MYH15: variants seen among roughly 807,000 people sequenced by gnomAD.
MYH15 encodes the protein myosin heavy chain 15, also known as myosin-15.
Under a neutral mutation model 240.5 loss-of-function variants are expected in MYH15, and 227 were observed. The ratio of observed to expected loss-of-function variants is 0.94; its 90% CI spans 0.85 to 1.05. The LOEUF (loss-of-function observed/expected upper bound fraction) is 1.05. Among genes scored for constraint, MYH15 ranks in the 50% least tolerant of loss-of-function variants. The pLI, the probability that MYH15 is intolerant of heterozygous loss-of-function variation, is 0.00. For synonymous variants in MYH15, 785 were observed against 796.7 expected, an observed-to-expected ratio of 0.99 and a Z score of 0.25; for missense variants, 2,217 against 2,247.5, an observed-to-expected ratio of 0.99 and a Z score of 0.27.
At chr3:108,550,654 T>C in the MYH15 span, 1 of 151,858 alleles carries the variant, frequency 6.6e-6, no homozygotes, top group Non-Finnish European at 1.5e-5. Flanking sequence ...ATATTTTCTT[T>C]TGTGCTTCTT....
Position 108,410,576 on chromosome 3 carries a change from G to C in MYH15, c.4495+7C>G, listed in dbSNP as rs764633444. The C allele has an allele frequency of 1.9e-6, 3 of 1,567,262 alleles. No homozygotes were observed. The African/African-American group carries it at 4.1e-5, about 21-fold the overall frequency. On this transcript the variant is annotated splice_region_variant and intron_variant, in intron 31 of 40. Transcript: ENST00000693548. ...CTGGCTTTGGCTCTGAGCCCAGCTC[G>C]GTGTACCTTGGAGGTTCTTGTTCTC...
chr3:108,516,680 A>G lies in MYH15; in HGVS notation c.-57-6093T>C, dbSNP rs1012053030. Among the ~76,000 whole-genome samples, 4 of 152,322 alleles carry G rather than the reference A, an allele frequency of 2.6e-5. No homozygotes were observed. The East Asian group carries it at 7.7e-4, about 29-fold the overall frequency. On this transcript the variant is annotated intron_variant, in intron 1 of 41. Transcript: ENST00000273353. ...TCTTAAGTGGTTAGTCTTTAGGCACACATCTACCACCCCTTAACCAGCTAC... is the reference window on the plus strand; with the variant it reads ...TCTTAAGTGGTTAGTCTTTAGGCACGCATCTACCACCCCTTAACCAGCTAC...
chr3:108,394,075 C>T lies in MYH15; in HGVS notation c.5215G>A (p.Glu1739Lys). 1 of 1,614,146 alleles carries T rather than the reference C, an allele frequency of 6.2e-7. No individual in the cohort carries two copies. The highest frequency in any genetic ancestry group is 8.5e-7 in the Non-Finnish European group (1 of 1,179,988). Residue 1739 changes from glutamate (E) to lysine (K), a missense_variant, in exon 36 of 41, where the codon GAG (glutamate) becomes AAG (lysine). Transcript: ENST00000693548. ...MQKEAEEVVQ[E>K]CQNAEEKAKK... The stretch of plus-strand genomic sequence containing the variant: ...GCCTTCTCTTCTGCATTTTGACACT[C>T]CTGCACCACCTCTTCAGCTTCTTTC...
intron 16 of MYH15, 38 bp from the exon 17 acceptor site, chr3:108,460,405 A>G: frequency 6.6e-7 from 1 of 1,520,270 alleles, no homozygotes; most frequent in Non-Finnish European, 8.9e-7. Context: ...GAAAACATGT[A>G]AAAAGCTCAT....
upstream of MYH15, among the ~76,000 whole-genome samples, chr3:108,514,332 T>G (rs2107258641): frequency 6.6e-6 from 1 of 151,704 alleles, no homozygotes; most frequent in South Asian, 2.1e-4. Flanking sequence ...CAGTCACAAT[T>G]TTGGAAATTA....
chr3:108,514,818 C>T (rs2083547971), upstream of MYH15, among the ~76,000 whole-genome samples: 1 of 152,222 alleles, frequency 6.6e-6, no homozygotes, highest in South Asian at 2.1e-4. Context: ...TATTGTTTCA[C>T]AGGCTCTTTC....
intron 37 of MYH15, 131 bp from the exon 38 acceptor site, chr3:108,389,205 C>A: frequency 2.9e-6 from 2 of 686,958 alleles, no homozygotes; most frequent in East Asian, 2.8e-5. Flanking sequence ...GGTGCTTAAA[C>A]AGGACAGTGT....
At chr3:108,430,698 C>A in intron 26 of MYH15, 134 bp downstream of exon 26, 2 of 576,602 alleles carry the variant, frequency 3.5e-6, no homozygotes, top group Non-Finnish European at 6.0e-6. Context: ...CCCTTCTTAA[C>A]CACTGTTCTT....
rs1398999685 is a variant in MYH15, at chr3:108,499,448, CACTT to C, written c.524+3_524+6del. On this transcript the variant is annotated splice_donor_5th_base_variant and intron_variant, in intron 5 of 40. Coordinates refer to ENST00000693548, the MANE Select transcript of MYH15 (RefSeq NM_014981.3). Reference sequence around the variant, plus strand: ...GGCCAAAAAAGAAAAACAAGGCAAACACTTACGTGAAGAGTATAGACTGATTTTC... The same window carrying C: ...GGCCAAAAAAGAAAAACAAGGCAAACACGTGAAGAGTATAGACTGATTTTC... 2 of 1,612,860 alleles carry C rather than the reference CACTT, an allele frequency of 1.2e-6. No individual in the cohort carries two copies. Among genetic ancestry groups the C allele is most frequent in the East Asian group, 2.2e-5 (1 of 44,804 alleles).
intron 1 of MYH15, among the ~76,000 whole-genome samples, chr3:108,507,861 G>T (rs535155664): frequency 1.3e-5 from 2 of 152,204 alleles, no homozygotes; most frequent in Admixed American, 1.3e-4. Flanking sequence ...ATGAAAATAT[G>T]CTTGTTTTTG....
chr3:108,403,060 C>T (rs892151002), intron 33 of MYH15, among the ~76,000 whole-genome samples: 18 of 152,120 alleles, frequency 1.2e-4, no homozygotes, highest in African/African-American at 4.1e-4. Context: ...GTCTATGAAG[C>T]CCTGACTAGA....
At chr3:108,471,127 G>T (rs1156261852) in intron 12 of MYH15, among the ~76,000 whole-genome samples, 2 of 150,898 alleles carry the variant, frequency 1.3e-5, no homozygotes, top group Non-Finnish European at 3.0e-5. Context: ...GAAGGGGAGA[G>T]GAAGGGAAGA....
chr3:108,423,628 G>C lies in MYH15; in HGVS notation c.3703-2414C>G, dbSNP rs561606907. On this transcript the variant is annotated intron_variant, in intron 27 of 40. Transcript: ENST00000693548. Reference sequence around the variant, plus strand: ...TCTGAAAATGACTTTGACAGTCAAAGTTGGCATGCTCATTTTCTTCCTCAC... The same window carrying C: ...TCTGAAAATGACTTTGACAGTCAAACTTGGCATGCTCATTTTCTTCCTCAC... Among the ~76,000 whole-genome samples the C allele has an allele frequency of 1.6e-4, 24 of 152,346 alleles. No homozygotes were observed. The South Asian group carries it at 2.9e-3, about 18-fold the overall frequency.
At chr3:108,519,115 T>C (rs1034146460) in intron 1 of MYH15, among the ~76,000 whole-genome samples, 2 of 152,158 alleles carry the variant, frequency 1.3e-5, no homozygotes, top group African/African-American at 2.4e-5. Flanking sequence ...CTGATGTTCT[T>C]GGTTAGAAAA....
chr3:108,405,167 A>T, intron 33 of MYH15, 171 bp downstream of exon 33: 1 of 394,786 alleles, frequency 2.5e-6, no homozygotes, highest in Non-Finnish European at 4.6e-6. Context: ...ATAAAGGAAT[A>T]TCTATACACG....
At chr3:108,448,202 C>A (rs935762070) in intron 21 of MYH15, among the ~76,000 whole-genome samples, 1 of 151,976 alleles carries the variant, frequency 6.6e-6, no homozygotes, top group Non-Finnish European at 1.5e-5. Flanking sequence ...CAGAAAGAAA[C>A]AATTTTTTTA....
intron 25 of MYH15, among the ~76,000 whole-genome samples, chr3:108,433,072 A>C (rs1461059941): frequency 6.6e-6 from 1 of 152,212 alleles, no homozygotes; most frequent in African/African-American, 2.4e-5. Flanking sequence ...ACACCAGCCC[A>C]TGAAGGCAGC....
At chr3:108,423,230 G>A (rs1447884895) in intron 27 of MYH15, among the ~76,000 whole-genome samples, 1 of 152,170 alleles carries the variant, frequency 6.6e-6, no homozygotes, top group Non-Finnish European at 1.5e-5. Context: ...ACTCCAGTGG[G>A]CAGGCTGGTT....
At chr3:108,478,551 T>C (rs2083239265) in intron 11 of MYH15, among the ~76,000 whole-genome samples, 1 of 152,146 alleles carries the variant, frequency 6.6e-6, no homozygotes, top group South Asian at 2.1e-4. Context: ...GAAAGAGACT[T>C]TATAGAGTAT....
Sources: allele counts gnomAD v4.1 joint callset (sites outside exome capture counted in the v4.1 genomes callset), GRCh38; gene constraint gnomAD v4.1.1; transcripts MANE v1.5; gene names NCBI Gene and HGNC (gene_info 2026-07-23, HGNC 2026-07-21).